Variants in TTLL7 observed in about 807,000 individuals in gnomAD.
The protein encoded by TTLL7 is tubulin polyglutamylase TTLL7.
In TTLL7, 53 loss-of-function variants were observed where a neutral mutation model predicts 120.2. The observed-to-expected ratio is 0.44, with a 90% CI of 0.35 to 0.55. TTLL7 has a LOEUF of 0.55. Ranked by LOEUF, TTLL7 falls within the 20% of genes least tolerant of loss-of-function variation. TTLL7 has a pLI of 0.00. For missense variants in TTLL7, 803 were observed against 1,054.7 expected (o/e 0.76, Z 3.31); for synonymous variants, 353 against 351.7 (o/e 1.00, Z -0.04).
At chr1:83,987,451 A>G (rs540861837) in intron 1 of TTLL7, among the ~76,000 whole-genome samples, 1 of 152,194 alleles carries the variant, frequency 6.6e-6, no homozygotes, top group South Asian at 2.1e-4. Flanking sequence ...ACAAAATTCT[A>G]CATTAGATAG....
At chr1:83,955,783 G>A (rs902617416) in intron 1 of TTLL7, among the ~76,000 whole-genome samples, 2 of 150,506 alleles carry the variant, frequency 1.3e-5, no homozygotes, top group Non-Finnish European at 3.0e-5. Flanking sequence ...GGGAGGCCTA[G>A]GCAGGAGGAT....
At chr1:83,942,346 C>T (rs1400851459) in intron 7 of TTLL7, 117 bp downstream of exon 7, 1 of 761,618 alleles carries the variant, frequency 1.3e-6, no homozygotes, top group African/African-American at 1.8e-5. Flanking sequence ...TTCTTCCAGA[C>T]CACAAAAACC....
At chr1:83,979,933 A>T (rs1651808930) in intron 1 of TTLL7, 1 of 152,254 alleles carries the variant, frequency 6.6e-6, no homozygotes, top group Non-Finnish European at 1.5e-5. Flanking sequence ...AAGATTTTTT[A>T]AAATCAAATA....
chr1:83,908,777 T>A (rs1657430619), intron 15 of TTLL7, among the ~76,000 whole-genome samples: 1 of 151,848 alleles, frequency 6.6e-6, no homozygotes, highest in South Asian at 2.1e-4. Flanking sequence ...GAAGCCAGGT[T>A]GAATACCCAA....
intron 1 of TTLL7, among the ~76,000 whole-genome samples, chr1:83,975,259 A>G (rs1000871028): frequency 2.6e-5 from 4 of 152,130 alleles, no homozygotes; most frequent in African/African-American, 7.2e-5. Flanking sequence ...CCCAGCCCCA[A>G]ACTTTCTAAG....
At chr1:83,928,194 T>C (rs1431952198) in intron 10 of TTLL7, among the ~76,000 whole-genome samples, 1 of 152,096 alleles carries the variant, frequency 6.6e-6, no homozygotes. Context: ...TAAATAATAA[T>C]AGTAAACTTT....
chr1:83,925,384 G>C (rs532374914), intron 10 of TTLL7, among the ~76,000 whole-genome samples: 1 of 152,290 alleles, frequency 6.6e-6, no homozygotes, highest in South Asian at 2.1e-4. Flanking sequence ...AATCATAGGA[G>C]GCACTGAATT....
At chr1:83,998,352 A>G (rs2100669624) in intron 1 of TTLL7, among the ~76,000 whole-genome samples, 1 of 152,326 alleles carries the variant, frequency 6.6e-6, no homozygotes, top group Non-Finnish European at 1.5e-5. Flanking sequence ...CACCCAGAAT[A>G]CAAGGCAACT....
chr1:83,941,762 T>C (rs1051532479), intron 7 of TTLL7, among the ~76,000 whole-genome samples: 1 of 152,220 alleles, frequency 6.6e-6, no homozygotes, highest in Non-Finnish European at 1.5e-5. Flanking sequence ...ATTATAGTAA[T>C]TATTTTCATG....
At chr1:83,947,081 AT>A (rs747440432) in intron 6 of TTLL7, 42 bp downstream of exon 6, 137 of 1,497,074 alleles carry the variant, frequency 9.2e-5, no homozygotes, top group South Asian at 2.7e-4. Flanking sequence ...CCACTCCCAA[AT>A]TTTTTTTTAT....
intron 1 of TTLL7, among the ~76,000 whole-genome samples, chr1:83,986,697 C>T (rs1652482444): frequency 6.6e-6 from 1 of 152,078 alleles, no homozygotes; most frequent in African/African-American, 2.4e-5. Context: ...CAAAATTGGC[C>T]AGGAGTGGTG....
chr1:83,904,125 A>T lies in TTLL7; in HGVS notation c.2162T>A (p.Val721Glu). 1.2e-6 allele frequency: 2 copies of T among 1,612,220 alleles called. No homozygotes were observed. Among genetic ancestry groups the T allele is most frequent in the Non-Finnish European group, 1.7e-6 (2 of 1,179,006 alleles). Residue 721 changes from valine to glutamate, a missense_variant, in exon 18 of 21, where the codon GTG (valine) becomes GAG (glutamate). By Grantham distance (121) the Val-to-Glu change is moderately radical. Around this residue, in one of 3 missense-constraint regions of TTLL7, gnomAD observed 388 missense variants for 450.4 expected, o/e 0.86. Coordinates refer to ENST00000260505, the MANE Select transcript of TTLL7 (RefSeq NM_024686.6). ...IDNWKYHKTK[V>E]ASYWLIKLDS... is the part of the protein sequence containing the mutation. ...CAATTTTATGAGCCAATATGAAGCC[A>T]CTTTGGTTTTATGATACTTCCAGTT...
At chr1:83,902,456 T>C (rs1482943424) in intron 18 of TTLL7, among the ~76,000 whole-genome samples, 1 of 152,034 alleles carries the variant, frequency 6.6e-6, no homozygotes, top group Non-Finnish European at 1.5e-5. Flanking sequence ...AACATCCACA[T>C]TGCCAAAAAT....
chr1:83,952,050 C>T, intron 2 of TTLL7, 74 bp from the exon 3 acceptor site: 1 of 1,518,950 alleles, frequency 6.6e-7, no homozygotes, highest in Non-Finnish European at 9.0e-7. Context: ...ATACCACCCC[C>T]ACCCCACACC....
At position 83,955,933 on chromosome 1, in the gene TTLL7, C is replaced by A. The variant is rs1339361341; in HGVS notation, c.-176-3546G>T. 2.6e-5 allele frequency among the ~76,000 whole-genome samples: 4 copies of A among 152,190 alleles called. No individual in the cohort carries two copies. In the East Asian group the frequency reaches 7.7e-4, roughly 29 times the overall value. On this transcript the variant is annotated intron_variant, in intron 1 of 20. Transcript: ENST00000260505. ...GAATGATAGCTTGAGCTAGGGAGGTCAAGGCTGCAGTGAGCTGTGTTCATG... is the reference window on the plus strand; with the variant it reads ...GAATGATAGCTTGAGCTAGGGAGGTAAAGGCTGCAGTGAGCTGTGTTCATG...
intron 18 of TTLL7, among the ~76,000 whole-genome samples, chr1:83,896,052 G>C (rs1656194165): frequency 6.6e-6 from 1 of 152,088 alleles, no homozygotes; most frequent in African/African-American, 2.4e-5. Flanking sequence ...AGACTGGAAT[G>C]AGATAAATTA....
intron 6 of TTLL7, among the ~76,000 whole-genome samples, chr1:83,945,261 C>A (rs1158336652): frequency 1.3e-5 from 2 of 152,068 alleles, no homozygotes; most frequent in Non-Finnish European, 2.9e-5. Flanking sequence ...ACAAGAGACA[C>A]CCTTTAAAGT....
rs376318438 is a variant in TTLL7 at position 83,900,419 on chromosome 1, A to C, written c.2208+3660T>G. Among the ~76,000 whole-genome samples the C allele has an allele frequency of 2.0e-4, 30 of 152,138 alleles. No homozygotes were observed. In the South Asian group the frequency reaches 5.0e-3, roughly 25 times the overall value. ...TGAATACAAAGTGCCATGAAGATTC[A>C]AGTAGAGAAAGATATCTGGTTGTAG... On this transcript the variant is annotated intron_variant, in intron 18 of 20. Coordinates refer to ENST00000260505, the MANE Select transcript of TTLL7 (RefSeq NM_024686.6).
At chr1:83,987,624 T>A (rs1005789866) in intron 1 of TTLL7, among the ~76,000 whole-genome samples, 1 of 152,100 alleles carries the variant, frequency 6.6e-6, no homozygotes, top group African/African-American at 2.4e-5. Context: ...GAAACAATTC[T>A]AACGATTTTT....
Sources: allele counts gnomAD v4.1 joint callset (sites outside exome capture counted in the v4.1 genomes callset), GRCh38; gene constraint gnomAD v4.1.1; regional missense constraint gnomAD v4.1.1; transcripts MANE v1.5; gene names NCBI Gene and HGNC (gene_info 2026-07-23, HGNC 2026-07-21).